Variants in SIPA1L1 observed in about 807,000 individuals in gnomAD.
SIPA1L1 encodes signal-induced proliferation-associated 1-like protein 1.
Under a neutral mutation model 162.7 loss-of-function variants are expected in SIPA1L1, and 26 were observed. The ratio of observed to expected loss-of-function variants is 0.16; its 90% confidence interval spans 0.12 to 0.22. The LOEUF (loss-of-function observed/expected upper bound fraction) is 0.22, where lower values mean the gene tolerates loss of function less well. SIPA1L1 is among the 10% of genes least tolerant of loss of function. The probability of loss-of-function intolerance (pLI) is 1.00; values close to 1 mark genes in which losing one functional copy is unlikely to be tolerated. For synonymous variants in SIPA1L1, 829 were observed against 837.4 expected (o/e 0.99, Z 0.17); for missense variants, 1,874 against 2,241.0 (o/e 0.84, Z 3.31).
intron 5 of SIPA1L1, among the ~76,000 whole-genome samples, chr14:71,604,180 A>C (rs1169866213): frequency 6.6e-6 from 1 of 151,120 alleles, no homozygotes; most frequent in Non-Finnish European, 1.5e-5. Flanking sequence ...ATATTTTTTT[A>C]TAGAGATGAG....
At chr14:71,711,749 A>G (rs759500999) in intron 17 of SIPA1L1, among the ~76,000 whole-genome samples, 3 of 152,248 alleles carry the variant, frequency 2.0e-5, no homozygotes, top group African/African-American at 2.4e-5. Flanking sequence ...TGAAGGCCTC[A>G]AAGGATTATC....
intron 2 of SIPA1L1, among the ~76,000 whole-genome samples, chr14:71,343,299 T>C (rs768199576): frequency 6.6e-6 from 1 of 152,206 alleles, no homozygotes; most frequent in Admixed American, 6.5e-5. Context: ...ATATTCATCA[T>C]CCACTCAGCA....
intron 2 of SIPA1L1, among the ~76,000 whole-genome samples, chr14:71,507,562 A>G (rs893055695): frequency 2.6e-5 from 4 of 152,116 alleles, no homozygotes; most frequent in African/African-American, 9.7e-5. Flanking sequence ...CAACTGAATG[A>G]ATTTTTGCTG....
intron 2 of SIPA1L1, among the ~76,000 whole-genome samples, chr14:71,510,066 C>T (rs566494115): frequency 6.6e-6 from 1 of 152,068 alleles, no homozygotes; most frequent in East Asian, 1.9e-4. Flanking sequence ...ACAGTGGCCT[C>T]CTGTAAATTT....
chr14:71,393,437 T>G (rs1009154290), intron 2 of SIPA1L1, among the ~76,000 whole-genome samples: 1 of 152,204 alleles, frequency 6.6e-6, no homozygotes, highest in African/African-American at 2.4e-5. Flanking sequence ...TCTGATATGG[T>G]GTGGAGCTCA....
intron 2 of SIPA1L1, among the ~76,000 whole-genome samples, chr14:71,326,424 G>A (rs1408355140): frequency 6.6e-6 from 1 of 151,900 alleles, no homozygotes; most frequent in Admixed American, 6.6e-5. Context: ...GGCCAGGCTG[G>A]TCTCAAACTC....
At chr14:71,490,994 T>C (rs2049199292) in intron 2 of SIPA1L1, among the ~76,000 whole-genome samples, 1 of 152,206 alleles carries the variant, frequency 6.6e-6, no homozygotes, top group South Asian at 2.1e-4. Flanking sequence ...ATTTATCATA[T>C]CCTAATATTT....
At chr14:71,704,727 G>C in intron 15 of SIPA1L1, 1 of 1,612,352 alleles carries the variant, frequency 6.2e-7, no homozygotes, top group Non-Finnish European at 8.5e-7. Flanking sequence ...TCAGCTTACA[G>C]TTATAGAGGA....
intron 2 of SIPA1L1, among the ~76,000 whole-genome samples, chr14:71,496,267 A>G (rs1320404707): frequency 6.6e-6 from 1 of 152,100 alleles, no homozygotes; most frequent in Non-Finnish European, 1.5e-5. Flanking sequence ...CAAGGAGTTC[A>G]AGGCCAGTCT....
At position 71,604,148 on chromosome 14, in the gene SIPA1L1, C is replaced by A. The variant is rs564206234; in HGVS notation, c.1499-14609C>A. On this transcript the variant is annotated intron_variant, in intron 5 of 23. Transcript: ENST00000381232. ...GAGTAGCTGGGACTATGGGCACATG[C>A]CACCACGCCTGGCTCACTTTTATAT... 7.3e-5 allele frequency among the ~76,000 whole-genome samples: 11 copies of A among 151,066 alleles called. 1 individual carries two copies. In the South Asian group the frequency reaches 2.3e-3, roughly 32 times the overall value.
At chr14:71,727,477 A>G (rs1258418647) in intron 19 of SIPA1L1, among the ~76,000 whole-genome samples, 1 of 151,100 alleles carries the variant, frequency 6.6e-6, no homozygotes, top group Non-Finnish European at 1.5e-5. Context: ...ACCCCATTAT[A>G]TAGAATTCAG....
At chr14:71,682,607 T>C (rs527865051) in intron 12 of SIPA1L1, among the ~76,000 whole-genome samples, 1 of 152,230 alleles carries the variant, frequency 6.6e-6, no homozygotes, top group Non-Finnish European at 1.5e-5. Context: ...TTTCTAGTTA[T>C]ATGTTATGAG....
intron 2 of SIPA1L1, among the ~76,000 whole-genome samples, chr14:71,333,598 A>G (rs1163261513): frequency 7.9e-5 from 12 of 152,206 alleles, no homozygotes; most frequent in Admixed American, 5.9e-4. Context: ...TGGCTTTACT[A>G]CATACTAGTT....
chr14:71,577,416 G>GCC (rs1279741231), intron 4 of SIPA1L1, among the ~76,000 whole-genome samples: 1 of 146,614 alleles, frequency 6.8e-6, no homozygotes, highest in African/African-American at 2.5e-5. Flanking sequence ...TCACTCCGTT[G>GCC]CCCAGGCTGG....
At chr14:71,453,984 G>A (rs2046000377) in intron 2 of SIPA1L1, among the ~76,000 whole-genome samples, 1 of 138,710 alleles carries the variant, frequency 7.2e-6, no homozygotes, top group African/African-American at 2.8e-5. Context: ...GGGTGACAGG[G>A]CGAGATTGTT....
chr14:71,569,489 A>T (rs1280516600), intron 4 of SIPA1L1, among the ~76,000 whole-genome samples: 1 of 152,236 alleles, frequency 6.6e-6, no homozygotes, highest in Admixed American at 6.5e-5. Flanking sequence ...GGATGCTGGC[A>T]GTCAGACGGG....
intron 12 of SIPA1L1, among the ~76,000 whole-genome samples, chr14:71,680,373 A>G (rs2045681679): frequency 6.6e-6 from 1 of 152,244 alleles, no homozygotes; most frequent in Non-Finnish European, 1.5e-5. Context: ...GTTCTTTGAA[A>G]CCAATGAGAA....
At chr14:71,723,252 C>T (rs2083910324) in intron 17 of SIPA1L1, among the ~76,000 whole-genome samples, 1 of 152,172 alleles carries the variant, frequency 6.6e-6, no homozygotes, top group African/African-American at 2.4e-5. Context: ...GAGAGCATCA[C>T]CACAATCCCT....
At chr14:71,361,617 A>G (rs983682440) in intron 2 of SIPA1L1, among the ~76,000 whole-genome samples, 1 of 152,062 alleles carries the variant, frequency 6.6e-6, no homozygotes, top group Non-Finnish European at 1.5e-5. Context: ...GCCTTTTTCT[A>G]CTACGTGGGG....
Sources: allele counts gnomAD v4.1 joint callset (sites outside exome capture counted in the v4.1 genomes callset), GRCh38; gene constraint gnomAD v4.1.1; transcripts MANE v1.5; gene names NCBI Gene and HGNC (gene_info 2026-07-23, HGNC 2026-07-21).